The following EHMT2 variants were observed in gnomAD, a reference collection of about 807,000 sequenced individuals.
The protein encoded by EHMT2 is euchromatic histone lysine methyltransferase 2, also known as histone-lysine N-methyltransferase EHMT2.
A neutral mutation model predicts 143.3 loss-of-function variants in EHMT2; 59 were observed. The ratio of observed to expected loss-of-function variants is 0.41; its 90% confidence interval spans 0.33 to 0.51. EHMT2 has a LOEUF of 0.51. Ranked by LOEUF, EHMT2 falls within the 20% of genes least tolerant of loss-of-function variation. The probability of loss-of-function intolerance (pLI) is 0.18; values close to 1 mark genes in which losing one functional copy is unlikely to be tolerated. For missense variants in EHMT2, 1,174 were observed against 1,645.9 expected (o/e 0.71, Z 4.96); for synonymous variants, 604 against 651.5 (o/e 0.93, Z 1.11).
intron 6 of EHMT2, 41 bp downstream of exon 6, chr6:31,892,653 A>G (rs1365597443): frequency 3.7e-6 from 6 of 1,612,858 alleles, no homozygotes; most frequent in Non-Finnish European, 5.1e-6. Flanking sequence ...CCTCCCTCAG[A>G]GCAGCCCCCG....
At chr6:31,894,864 G>A (rs925840100) in intron 4 of EHMT2, among the ~76,000 whole-genome samples, 6 of 151,934 alleles carry the variant, frequency 3.9e-5, no homozygotes, top group African/African-American at 1.5e-4. Flanking sequence ...TGTTTACCAG[G>A]CTGGTCTCGA....
chr6:31,880,458 T>A lies in EHMT2; in HGVS notation c.3453-194A>T. ...CTGGGGACTTTTTAGAAATGCAGAA[T>A]CCTGGGCCCCATCCCAAGCCTACTG... On this transcript the variant is annotated intron_variant, in intron 27 of 27. Coordinates refer to ENST00000375537, the Ensembl canonical transcript of EHMT2. The surrounding 1 kb of genome is among the most constrained non-coding windows in gnomAD (Gnocchi z 6.6). The A allele has an allele frequency of 1.1e-5, 9 of 835,794 alleles. No homozygotes were observed. Among genetic ancestry groups the A allele is most frequent in the Non-Finnish European group, 1.6e-5 (9 of 551,868 alleles). 51.8% of individuals were successfully genotyped at this position (835,794 alleles called of 1,614,324 possible).
chr6:31,897,235 G>C, intron 1 of EHMT2: 3 of 1,192,726 alleles, frequency 2.5e-6, no homozygotes, highest in Non-Finnish European at 3.2e-6. Flanking sequence ...GGGGGAGGGG[G>C]CGGGGCCTCC....
chr6:31,889,157 G>A lies in EHMT2; in HGVS notation c.1114+71C>T, dbSNP rs1336759008. On this transcript the variant is annotated intron_variant, in intron 9 of 27. Transcript: ENST00000375537. The surrounding 1 kb of genome is among the most constrained non-coding windows in gnomAD (Gnocchi z 5.1). ...TGCAGGTGGACATGCGAGAGCGTGTGTGTGCGTGCACACACTCTGGGGGGC... is the reference window on the plus strand; with the variant it reads ...TGCAGGTGGACATGCGAGAGCGTGTATGTGCGTGCACACACTCTGGGGGGC... 5 of 1,542,450 alleles carry A rather than the reference G, an allele frequency of 3.2e-6. No homozygotes were observed. Among genetic ancestry groups the A allele is most frequent in the Non-Finnish European group, 4.4e-6 (5 of 1,134,432 alleles).
rs768549428 is a variant in EHMT2 at position 31,884,834 on chromosome 6, G to C, written c.2449-35C>G. The C allele has an allele frequency of 1.9e-6, 3 of 1,579,892 alleles. No homozygotes were observed. The highest frequency in any genetic ancestry group is 4.5e-5 in the East Asian group (2 of 44,100). ...TAGGAGGGGAACAGATGAGGTGCAG[G>C]CAGCTGGGCCCTTGAATCCAGCCTC... is the stretch of plus-strand genomic sequence containing the variant. On this transcript the variant is annotated intron_variant, in intron 19 of 27. Transcript: ENST00000375537. The surrounding 1 kb of genome is among the most constrained non-coding windows in gnomAD (Gnocchi z 7.3).
Position 31,888,840 on chromosome 6 carries a change from C to G in EHMT2, c.1217-93G>C. The G allele has an allele frequency of 3.3e-6, 5 of 1,531,444 alleles. No homozygotes were observed. Among genetic ancestry groups the G allele is most frequent in the Non-Finnish European group, 4.4e-6 (5 of 1,132,554 alleles). 94.9% of individuals were successfully genotyped at this position (1,531,444 alleles called of 1,614,324 possible). A position where few individuals can be genotyped will look rare whatever the true frequency, so the allele number is the denominator to read the frequency against. ...CTCTCACTCCCTCCCTACCCCACCC[C>G]GCCATGCCCCAGAACCCCTAAAGCC... On this transcript the variant is annotated intron_variant, in intron 10 of 27. Transcript: ENST00000375537. This position sits in a 1 kb window ranked among gnomAD's most constrained non-coding sequence, Gnocchi z 7.4.
At chr6:31,886,148 TG>T (rs1240396820) in intron 18 of EHMT2, 1 of 167,986 alleles carries the variant, frequency 6.0e-6, no homozygotes, top group Non-Finnish European at 1.3e-5. Context: ...TGGTGGATTC[TG>T]AGTTGGGGGC....
At chr6:31,893,093 T>C in intron 4 of EHMT2, 183 bp from the exon 5 acceptor site, 1 of 575,430 alleles carries the variant, frequency 1.7e-6, no homozygotes, top group Non-Finnish European at 3.1e-6. Context: ...TCAAGCACAC[T>C]AACACTCACT....
chr6:31,886,797 C>A (rs201900192), exon 17 of EHMT2: 1 of 1,614,248 alleles, frequency 6.2e-7, no homozygotes. Flanking sequence ...ACAGCCACCA[C>A]GCTGCACCAT....
intron 18 of EHMT2, 59 bp downstream of exon 18, chr6:31,886,522 C>T: frequency 6.5e-7 from 1 of 1,543,674 alleles, no homozygotes; most frequent in Non-Finnish European, 8.8e-7. Flanking sequence ...AGCCTGAGGC[C>T]AAGCCAAGGA....
At chr6:31,897,529 G>A (rs1186728557) in intron 1 of EHMT2, 107 bp downstream of exon 1, 8 of 875,852 alleles carry the variant, frequency 9.1e-6, no homozygotes, top group South Asian at 5.3e-5. Flanking sequence ...TGCAAGTCCC[G>A]CCCGGGCCCC....
At position 31,883,014 on chromosome 6, in the gene EHMT2, G is replaced by A. The variant is rs751783109; in HGVS notation, c.2995-5C>T. ...TTCCTGGAGCAATCGCCCATCCTAG[G>A]GTGCGGAGGGGAGGATAGTGGTTTC... On this transcript the variant is annotated splice_polypyrimidine_tract_variant and splice_region_variant and intron_variant, in intron 23 of 27. Transcript: ENST00000375537. This position sits in a 1 kb window ranked among gnomAD's most constrained non-coding sequence, Gnocchi z 5.6. 1.2e-6 allele frequency: 2 copies of A among 1,612,136 alleles called. No homozygotes were observed. The highest frequency in any genetic ancestry group is 1.7e-6 in the Non-Finnish European group (2 of 1,179,460).
chr6:31,883,947 G>A lies in EHMT2; in HGVS notation c.2775C>T (p.Asp925=), dbSNP rs754572281. Residue 925 remains aspartate, a synonymous_variant, in exon 22 of 28, where the codon GAC becomes GAT. Coordinates refer to ENST00000375537, the Ensembl canonical transcript of EHMT2. The surrounding 1 kb of genome is among the most constrained non-coding windows in gnomAD (Gnocchi z 5.6). ...GCACGTTCTCATAGCCCCGAGCCACGTCCCTGCAGAAGACGGGAAGAAGGG... is the reference window on the plus strand; with the variant it reads ...GCACGTTCTCATAGCCCCGAGCCACATCCCTGCAGAAGACGGGAAGAAGGG... 9.3e-6 allele frequency: 15 copies of A among 1,613,508 alleles called. No homozygotes were observed. The highest frequency in any genetic ancestry group is 3.3e-5 in the South Asian group (3 of 91,060).
At chr6:31,897,263 C>T in intron 1 of EHMT2, 1 of 953,060 alleles carries the variant, frequency 1.0e-6, no homozygotes, top group Non-Finnish European at 1.4e-6. Flanking sequence ...GGCCCCGCCC[C>T]CTCCTCCCGG....
At position 31,889,098 on chromosome 6, in the gene EHMT2, T is replaced by G; in HGVS notation, c.1115-28A>C. The G allele has an allele frequency of 6.3e-7, 1 of 1,581,002 alleles. No homozygotes were observed. Among genetic ancestry groups the G allele is most frequent in the Non-Finnish European group, 8.6e-7 (1 of 1,161,762 alleles). ...GACACAGAGACAGAGAGAGTGAGAGTGCGAGCTCACAGGTGCCTGGACGCG... is the reference window on the plus strand; with the variant it reads ...GACACAGAGACAGAGAGAGTGAGAGGGCGAGCTCACAGGTGCCTGGACGCG... On this transcript the variant is annotated intron_variant, in intron 9 of 27. Transcript: ENST00000375537. This position sits in a 1 kb window ranked among gnomAD's most constrained non-coding sequence, Gnocchi z 5.1.
chr6:31,891,582 A>C (rs1468008629), intron 7 of EHMT2, among the ~76,000 whole-genome samples: 1 of 152,188 alleles, frequency 6.6e-6, no homozygotes, highest in African/African-American at 2.4e-5. Context: ...TATTGGGTAC[A>C]TGGGGGCTCC....
At position 31,883,889 on chromosome 6, in the gene EHMT2, G is replaced by A. The variant is rs759710561; in HGVS notation, c.2833C>T (p.Pro945Ser). The A allele has an allele frequency of 6.2e-7, 1 of 1,613,918 alleles. No individual in the cohort carries two copies. The highest frequency in any genetic ancestry group is 2.2e-5 in the East Asian group (1 of 44,858). Residue 945 changes from proline (P) to serine (S), a missense_variant, in exon 22 of 28, where the codon CCC (proline) becomes TCC (serine). By Grantham distance (74) the Pro-to-Ser change is moderately conservative (BLOSUM62 -1). Transcript: ENST00000375537. This position sits in a 1 kb window ranked among gnomAD's most constrained non-coding sequence, Gnocchi z 5.6. ...ATGTACTTGTAATCCTCAGGGCAGG[G>A]CTCCCCATCCACACCGTTGACACAG...
exon 15 of EHMT2, chr6:31,887,632 C>T (rs1434385721): frequency 6.2e-7 from 1 of 1,613,028 alleles, no homozygotes; most frequent in South Asian, 1.1e-5. Context: ...GGTACAACTG[C>T]CGAGGGTGGA....
At chr6:31,891,548 G>A (rs1397945031) in intron 7 of EHMT2, among the ~76,000 whole-genome samples, 1 of 152,208 alleles carries the variant, frequency 6.6e-6, no homozygotes, top group African/African-American at 2.4e-5. Context: ...GATGGACTGT[G>A]TACTGATAAT....
Sources: gnomAD v4.1 joint callset for allele counts (sites outside exome capture counted in the v4.1 genomes callset) on GRCh38, gnomAD v4.1.1 for gene constraint, Gnocchi (gnomAD v3.1) non-coding constraint, MANE v1.5 for transcripts, NCBI Gene and HGNC (gene_info 2026-07-23, HGNC 2026-07-21) for gene names.